The following AGBL4 variants were observed in gnomAD, a reference collection of about 807,000 sequenced individuals.
AGBL4 encodes the protein cytosolic carboxypeptidase 6.
A neutral mutation model predicts 66.4 loss-of-function variants in AGBL4; 58 were observed. That is an observed-to-expected ratio of 0.87 (90% CI 0.71 to 1.09). The LOEUF (loss-of-function observed/expected upper bound fraction) is 1.09. Among genes scored for constraint, AGBL4 ranks in the 50% least tolerant of loss-of-function variants. The probability of loss-of-function intolerance (pLI) is 0.00; values close to 1 mark genes in which losing one functional copy is unlikely to be tolerated. For missense variants in AGBL4, 579 were observed against 631.0 expected, an observed-to-expected ratio of 0.92 and a Z score of 0.88; for synonymous variants, 234 against 222.9, an observed-to-expected ratio of 1.05 and a Z score of -0.44.
chr1:49,527,806 A>T (rs965269396), intron 3 of AGBL4, among the ~76,000 whole-genome samples: 1 of 152,098 alleles, frequency 6.6e-6, no homozygotes, highest in African/African-American at 2.4e-5. Flanking sequence ...GCTTTGCTTC[A>T]ACCTAGAAAT....
At chr1:49,774,645 C>G (rs1644151289) in intron 2 of AGBL4, among the ~76,000 whole-genome samples, 1 of 152,170 alleles carries the variant, frequency 6.6e-6, no homozygotes, top group Admixed American at 6.5e-5. Flanking sequence ...TTTCTTCTCT[C>G]ATTTTGACTT....
chr1:49,439,249 T>C (rs1349803018), intron 3 of AGBL4, among the ~76,000 whole-genome samples: 1 of 152,090 alleles, frequency 6.6e-6, no homozygotes. Flanking sequence ...TGAGAAAGTA[T>C]ATCATGACTG....
At chr1:49,797,878 C>T (rs1246357739) in intron 2 of AGBL4, among the ~76,000 whole-genome samples, 1 of 151,920 alleles carries the variant, frequency 6.6e-6, no homozygotes, top group Non-Finnish European at 1.5e-5. Flanking sequence ...ATTCTCTTGT[C>T]TCAGCCTCCT....
chr1:49,917,537 T>A (rs1486466951), intron 1 of AGBL4, among the ~76,000 whole-genome samples: 4 of 152,078 alleles, frequency 2.6e-5, no homozygotes, highest in East Asian at 1.9e-4. Flanking sequence ...GAGCTAACTA[T>A]CCTAAATATA....
chr1:49,886,771 T>C (rs890668014), intron 1 of AGBL4, among the ~76,000 whole-genome samples: 1 of 152,122 alleles, frequency 6.6e-6, no homozygotes, highest in African/African-American at 2.4e-5. Flanking sequence ...AATTTACATA[T>C]GTAATCTTGT....
intron 4 of AGBL4, among the ~76,000 whole-genome samples, chr1:49,117,489 C>A (rs538047635): frequency 6.6e-6 from 1 of 152,076 alleles, no homozygotes; most frequent in African/African-American, 2.4e-5. Context: ...CCTTTCCCCA[C>A]TGCTTGTTTT....
chr1:49,913,481 C>T (rs1651062676), intron 1 of AGBL4, among the ~76,000 whole-genome samples: 1 of 152,242 alleles, frequency 6.6e-6, no homozygotes, highest in South Asian at 2.1e-4. Context: ...GGCAGTCCTG[C>T]CCCTATGGCG....
intron 3 of AGBL4, among the ~76,000 whole-genome samples, chr1:49,610,581 T>C (rs552187801): frequency 8.7e-4 from 132 of 152,304 alleles, no homozygotes; most frequent in Middle Eastern, 6.8e-3. Flanking sequence ...GGTGATTAGA[T>C]CATGTGAGCT....
At chr1:49,474,256 A>C (rs1570805322) in intron 3 of AGBL4, among the ~76,000 whole-genome samples, 1 of 152,080 alleles carries the variant, frequency 6.6e-6, no homozygotes, top group Non-Finnish European at 1.5e-5. Flanking sequence ...CTTCCAACCT[A>C]TGTATGTGGA....
chr1:48,831,787 A>G (rs1191571850), intron 6 of AGBL4, among the ~76,000 whole-genome samples: 1 of 152,216 alleles, frequency 6.6e-6, no homozygotes, highest in Non-Finnish European at 1.5e-5. Flanking sequence ...AACTCACTGA[A>G]TGAATAAACA....
chr1:48,814,862 G>A (rs1646138271), intron 6 of AGBL4, among the ~76,000 whole-genome samples: 1 of 152,058 alleles, frequency 6.6e-6, no homozygotes, highest in African/African-American at 2.4e-5. Flanking sequence ...CAATAAACAT[G>A]GTGGTGCAGA....
chr1:48,847,811 T>G (rs1412566842), intron 6 of AGBL4, among the ~76,000 whole-genome samples: 1 of 152,222 alleles, frequency 6.6e-6, no homozygotes, highest in African/African-American at 2.4e-5. Flanking sequence ...TTTACATCCC[T>G]TTCAGTACCA....
Position 49,082,726 on chromosome 1 carries a change from A to G in AGBL4, c.378-36926T>C, listed in dbSNP as rs192971571. Among the ~76,000 whole-genome samples the G allele has an allele frequency of 5.1e-4, 77 of 152,258 alleles. No homozygotes were observed. In the East Asian group the frequency reaches 0.014, roughly 29 times the overall value. On this transcript the variant is annotated intron_variant, in intron 4 of 13. Transcript: ENST00000371839. ...CTCATGCCCTCACATTTCAAAACCA[A>G]TCATGCCTTCCAAACAGTCCCCCAA...
intron 1 of AGBL4, among the ~76,000 whole-genome samples, chr1:49,999,831 C>T (rs1660620455): frequency 1.3e-5 from 2 of 152,054 alleles, no homozygotes; most frequent in Admixed American, 1.3e-4. Flanking sequence ...GAGAGGACAC[C>T]TATTCAACAA....
chr1:49,650,076 T>A (rs991158106), intron 3 of AGBL4, among the ~76,000 whole-genome samples: 1 of 152,204 alleles, frequency 6.6e-6, no homozygotes, highest in Non-Finnish European at 1.5e-5. Flanking sequence ...TTCCTTTTAG[T>A]AAAATATTTG....
intron 5 of AGBL4, among the ~76,000 whole-genome samples, chr1:48,996,096 G>T (rs1009163717): frequency 2.0e-5 from 3 of 150,510 alleles, no homozygotes; most frequent in Non-Finnish European, 4.4e-5. Flanking sequence ...GTGAGGGAAA[G>T]AAAAAAAAAT....
chr1:49,939,648 A>C (rs1261275911), intron 1 of AGBL4, among the ~76,000 whole-genome samples: 1 of 152,232 alleles, frequency 6.6e-6, no homozygotes, highest in African/African-American at 2.4e-5. Flanking sequence ...CTGGCTAGCC[A>C]TATGTAGAAA....
At chr1:48,759,647 T>G (rs910358602) in intron 6 of AGBL4, among the ~76,000 whole-genome samples, 1 of 152,186 alleles carries the variant, frequency 6.6e-6, no homozygotes, top group African/African-American at 2.4e-5. Context: ...GGCTTGCTCA[T>G]GGGGGTGTTC....
At chr1:49,366,179 G>T (rs533094078) in intron 3 of AGBL4, among the ~76,000 whole-genome samples, 1 of 152,246 alleles carries the variant, frequency 6.6e-6, no homozygotes, top group African/African-American at 2.4e-5. Flanking sequence ...ATGGATGCCT[G>T]TCTCCTCTGG....
Sources: allele counts gnomAD v4.1 joint callset (sites outside exome capture counted in the v4.1 genomes callset), GRCh38; gene constraint gnomAD v4.1.1; transcripts MANE v1.5; gene names NCBI Gene and HGNC (gene_info 2026-07-23, HGNC 2026-07-21).